Variants in NRG3 observed in about 807,000 individuals in gnomAD.
The protein encoded by NRG3 is neuregulin 3, also known as pro-neuregulin-3, membrane-bound isoform.
NRG3 carries 31 observed loss-of-function variants against 66.9 expected under a neutral mutation model. That is an observed-to-expected ratio of 0.46 (90% CI 0.35 to 0.63). NRG3 has a LOEUF of 0.63. Among genes scored for constraint, NRG3 ranks in the 20% least tolerant of loss-of-function variants. NRG3 has a pLI of 0.00. For missense variants in NRG3, 910 were observed against 878.9 expected, an observed-to-expected ratio of 1.04 and a Z score of -0.45; for synonymous variants, 393 against 359.4, an observed-to-expected ratio of 1.09 and a Z score of -1.06.
chr10:82,207,449 T>TA (rs1169406237), intron 1 of NRG3, among the ~76,000 whole-genome samples: 1 of 152,188 alleles, frequency 6.6e-6, no homozygotes, highest in African/African-American at 2.4e-5. Flanking sequence ...TGTCTACTCA[T>TA]AGAGTTTTTC....
chr10:82,063,143 A>G (rs2064254632), intron 1 of NRG3, among the ~76,000 whole-genome samples: 1 of 152,158 alleles, frequency 6.6e-6, no homozygotes, highest in Admixed American at 6.5e-5. Flanking sequence ...CTCCACCTCA[A>G]ACAATTCAGT....
At position 81,914,814 on chromosome 10, in the gene NRG3, A is replaced by G. The variant is rs925406007; in HGVS notation, c.823+38651A>G. On this transcript the variant is annotated intron_variant, in intron 1 of 8. Coordinates refer to ENST00000372141, the MANE Select transcript of NRG3 (RefSeq NM_001010848.4). ...AGAAAGACATGAATTGTATGATTCC[A>G]TTTTTGCTTTGGTCATTTACTGGGT... 2.2e-4 allele frequency among the ~76,000 whole-genome samples: 33 copies of G among 148,594 alleles called. 1 individual carries two copies. Among genetic ancestry groups the G allele is most frequent in the African/African-American group, 8.1e-4 (33 of 40,626 alleles).
chr10:82,193,104 A>G (rs970937812), intron 1 of NRG3, among the ~76,000 whole-genome samples: 5 of 152,134 alleles, frequency 3.3e-5, no homozygotes, highest in South Asian at 2.1e-4. Flanking sequence ...TGGGAAACCA[A>G]TGGAGAGTTT....
chr10:82,202,593 G>A (rs2074897148), intron 1 of NRG3, among the ~76,000 whole-genome samples: 2 of 152,172 alleles, frequency 1.3e-5, no homozygotes, highest in African/African-American at 4.8e-5. Context: ...TGGAAATCCT[G>A]TTGCCTATGT....
intron 2 of NRG3, among the ~76,000 whole-genome samples, chr10:82,440,258 A>G (rs994875189): frequency 6.6e-6 from 1 of 151,162 alleles, no homozygotes; most frequent in African/African-American, 2.4e-5. Flanking sequence ...ATTTTTGTAA[A>G]TATCTCCTCT....
intron 2 of NRG3, among the ~76,000 whole-genome samples, chr10:82,710,375 C>A (rs950905021): frequency 6.6e-6 from 1 of 152,048 alleles, no homozygotes; most frequent in Non-Finnish European, 1.5e-5. Context: ...CCTCTCAGGT[C>A]GGGAGTTCGA....
chr10:82,350,646 A>T (rs1281043594), intron 1 of NRG3, among the ~76,000 whole-genome samples: 1 of 152,206 alleles, frequency 6.6e-6, no homozygotes, highest in Non-Finnish European at 1.5e-5. Flanking sequence ...GTATGAGGTA[A>T]AGGGAATAGC....
Position 82,370,439 on chromosome 10 carries a change from G to T in NRG3, c.953+11571G>T, listed in dbSNP as rs1004142913. ...TCTGCCATTGCTGATCTGCTGGTCT[G>T]CCCTGGAGCTTGTGGTTCAGGGTTT... On this transcript the variant is annotated intron_variant, in intron 2 of 8. Coordinates refer to ENST00000372141, the MANE Select transcript of NRG3 (RefSeq NM_001010848.4). Among the ~76,000 whole-genome samples the T allele has an allele frequency of 9.4e-5, 13 of 138,468 alleles. 3 individuals carry two copies. Among genetic ancestry groups the T allele is most frequent in the Admixed American group, 6.1e-4 (9 of 14,672 alleles). 90.8% of individuals were successfully genotyped at this position (138,468 alleles called of 152,430 possible). A position where few individuals can be genotyped will look rare whatever the true frequency, so the allele number is the denominator to read the frequency against.
At chr10:81,909,122 G>T (rs900372351) in intron 1 of NRG3, among the ~76,000 whole-genome samples, 2 of 152,150 alleles carry the variant, frequency 1.3e-5, no homozygotes, top group African/African-American at 4.8e-5. Flanking sequence ...AGATTCTAGT[G>T]GTTGCTGGCA....
At chr10:82,122,973 A>G (rs2068192322) in intron 1 of NRG3, among the ~76,000 whole-genome samples, 1 of 150,828 alleles carries the variant, frequency 6.6e-6, no homozygotes, top group Non-Finnish European at 1.5e-5. Flanking sequence ...CTATAAGAGA[A>G]TAGATCCTAA....
chr10:81,880,984 C>CT (rs1842128292), intron 1 of NRG3, among the ~76,000 whole-genome samples: 1 of 152,174 alleles, frequency 6.6e-6, no homozygotes, highest in Non-Finnish European at 1.5e-5. Context: ...CTATTTGAAA[C>CT]TTTGCAATAT....
chr10:82,461,292 C>T (rs528094668), intron 2 of NRG3, among the ~76,000 whole-genome samples: 1 of 151,744 alleles, frequency 6.6e-6, no homozygotes, highest in Non-Finnish European at 1.5e-5. Context: ...ATTGTGACAA[C>T]TATCATCATT....
At chr10:82,873,935 AC>A (rs538271216) in intron 4 of NRG3, among the ~76,000 whole-genome samples, 29 of 152,192 alleles carry the variant, frequency 1.9e-4, no homozygotes, top group Non-Finnish European at 3.2e-4. Flanking sequence ...GATGTATAGA[AC>A]ATAGAAAAAT....
intron 3 of NRG3, chr10:82,843,346 C>G: frequency 5.0e-6 from 2 of 396,486 alleles, no homozygotes; most frequent in Non-Finnish European, 1.0e-5. Context: ...TCCTCTCTGC[C>G]CTTCCTTCCA....
intron 4 of NRG3, among the ~76,000 whole-genome samples, chr10:82,934,698 T>C (rs1847894765): frequency 6.6e-6 from 1 of 152,204 alleles, no homozygotes; most frequent in Non-Finnish European, 1.5e-5. Context: ...GGTAAGGAAA[T>C]GGATAACTGC....
chr10:82,357,664 G>T (rs961200735), intron 1 of NRG3, among the ~76,000 whole-genome samples: 1 of 151,952 alleles, frequency 6.6e-6, no homozygotes, highest in African/African-American at 2.4e-5. Flanking sequence ...TTCCATCATG[G>T]GGGCCTCACC....
chr10:82,372,227 G>A (rs1349697011), intron 2 of NRG3, among the ~76,000 whole-genome samples: 7 of 152,186 alleles, frequency 4.6e-5, no homozygotes, highest in African/African-American at 7.2e-5. Flanking sequence ...AAATCCAAGA[G>A]GGAGGGAAAT....
At chr10:82,742,836 T>C (rs1037616945) in intron 3 of NRG3, among the ~76,000 whole-genome samples, 2 of 152,124 alleles carry the variant, frequency 1.3e-5, no homozygotes, top group South Asian at 2.1e-4. Context: ...ATCCTCAGCC[T>C]TGAAGCACAG....
At chr10:82,618,928 T>C (rs1482946918) in intron 2 of NRG3, among the ~76,000 whole-genome samples, 1 of 138,854 alleles carries the variant, frequency 7.2e-6, no homozygotes, top group Non-Finnish European at 1.6e-5. Context: ...GTAATAGGAG[T>C]GATTTTTTTT....
Sources: allele counts gnomAD v4.1 joint callset (sites outside exome capture counted in the v4.1 genomes callset), GRCh38; gene constraint gnomAD v4.1.1; transcripts MANE v1.5; gene names NCBI Gene and HGNC (gene_info 2026-07-23, HGNC 2026-07-21).